CFAP97D2: variants seen among roughly 807,000 people sequenced by gnomAD.
The protein encoded by CFAP97D2 is CFAP97 domain containing 2.
chr13:114,200,876 T>A (rs1261522847), intron 3 of CFAP97D2, among the ~76,000 whole-genome samples: 1 of 152,232 alleles, frequency 6.6e-6, no homozygotes, highest in African/African-American at 2.4e-5. Context: ...GCCCTGCTCA[T>A]GCAGTTCTCA....
chr13:114,217,336 T>G (rs1203577488), intron 4 of CFAP97D2, among the ~76,000 whole-genome samples: 1 of 152,172 alleles, frequency 6.6e-6, no homozygotes, highest in African/African-American at 2.4e-5. Flanking sequence ...CAGGAAGAAG[T>G]TGAATCCCTG....
At position 114,189,618 on chromosome 13, in the gene CFAP97D2, T is replaced by C. The variant is rs960478869; in HGVS notation, c.91-6778T>C. On this transcript the variant is annotated intron_variant, in intron 1 of 4. Coordinates refer to ENST00000646158, the Ensembl canonical transcript of CFAP97D2. The surrounding 1 kb of genome is among the most constrained non-coding windows in gnomAD (Gnocchi z 4.5). ...GATTAAAAGTGTATAAAAAGTATTATATGCCATGACCAAGTGGGATTCATT... is the reference window on the plus strand; with the variant it reads ...GATTAAAAGTGTATAAAAAGTATTACATGCCATGACCAAGTGGGATTCATT... 2.6e-5 allele frequency among the ~76,000 whole-genome samples: 4 copies of C among 152,192 alleles called. No individual in the cohort carries two copies. The highest frequency in any genetic ancestry group is 4.4e-5 in the Non-Finnish European group (3 of 68,034).
At chr13:114,196,937 G>T in intron 2 of CFAP97D2, among the ~76,000 whole-genome samples, 1 of 152,202 alleles carries the variant, frequency 6.6e-6, no homozygotes, top group East Asian at 1.9e-4. Flanking sequence ...GTCACAGGTG[G>T]ATTCAAAGAT....
chr13:114,208,092 A>C (rs1349527453), intron 3 of CFAP97D2, among the ~76,000 whole-genome samples: 1 of 152,184 alleles, frequency 6.6e-6, no homozygotes, highest in African/African-American at 2.4e-5. Flanking sequence ...CCTGGGCTTC[A>C]CGACTTCTAG....
chr13:114,180,407 C>T (rs1282202029), intron 1 of CFAP97D2, among the ~76,000 whole-genome samples: 1 of 152,160 alleles, frequency 6.6e-6, no homozygotes, highest in Non-Finnish European at 1.5e-5. Context: ...GCCTCTGCAC[C>T]TGCTGTCTCC....
chr13:114,214,780 T>C (rs2080986230), intron 4 of CFAP97D2, among the ~76,000 whole-genome samples: 1 of 152,154 alleles, frequency 6.6e-6, no homozygotes, highest in Admixed American at 6.6e-5. Context: ...AAAAATGGAG[T>C]CCTACTCTAC....
At chr13:114,202,336 G>A (rs1371810187) in intron 3 of CFAP97D2, among the ~76,000 whole-genome samples, 25 of 152,134 alleles carry the variant, frequency 1.6e-4, no homozygotes, top group Admixed American at 1.6e-3. Context: ...TTTCAAGTGG[G>A]ATCCACATGA....
At chr13:114,184,453 A>C (rs1228968761) in intron 1 of CFAP97D2, among the ~76,000 whole-genome samples, 1 of 152,260 alleles carries the variant, frequency 6.6e-6, no homozygotes, top group Non-Finnish European at 1.5e-5. Flanking sequence ...TTCAAACTAC[A>C]GAAAATCAGA....
At position 114,211,490 on chromosome 13, in the gene CFAP97D2, G is replaced by T. The variant is rs1313395169; in HGVS notation, c.291-422G>T. ...CCTCCCTCACCTCTCTCCCATGGGCGCCTGGGTGCTTGCCCTCCCCGCCTG... is the reference window on the plus strand; with the variant it reads ...CCTCCCTCACCTCTCTCCCATGGGCTCCTGGGTGCTTGCCCTCCCCGCCTG... On this transcript the variant is annotated intron_variant, in intron 3 of 4. Transcript: ENST00000646158. This position sits in a 1 kb window ranked among gnomAD's most constrained non-coding sequence, Gnocchi z 4.2. 6.6e-6 allele frequency among the ~76,000 whole-genome samples: 1 copy of T among 152,056 alleles called. No individual in the cohort carries two copies. The highest frequency in any genetic ancestry group is 2.4e-5 in the African/African-American group (1 of 41,404).
intron 3 of CFAP97D2, among the ~76,000 whole-genome samples, chr13:114,208,903 C>G (rs1402435550): frequency 1.3e-5 from 2 of 152,154 alleles, no homozygotes; most frequent in African/African-American, 4.8e-5. Flanking sequence ...GCGAGTTCTC[C>G]CTGCCGCCTC....
downstream of CFAP97D2, chr13:114,222,563 G>C (rs1485016006): frequency 2.7e-6 from 1 of 376,746 alleles, no homozygotes; most frequent in African/African-American, 2.4e-5. The surrounding 1 kb of genome is among the most constrained non-coding windows in gnomAD (Gnocchi z 4.4). Flanking sequence ...AGTGAGGAAG[G>C]GTAAGGATTC....
intron 4 of CFAP97D2, among the ~76,000 whole-genome samples, chr13:114,218,741 A>C (rs1414420098): frequency 6.6e-6 from 1 of 152,224 alleles, no homozygotes. Context: ...CAACCATTTG[A>C]TCTTTGACAA....
At chr13:114,196,553 A>G (rs1000536874) in intron 2 of CFAP97D2, 77 bp downstream of exon 2, 3 of 397,962 alleles carry the variant, frequency 7.5e-6, no homozygotes, top group Non-Finnish European at 1.3e-5. Flanking sequence ...GAAAATAGAA[A>G]AGGCAGGGTT....
At chr13:114,196,076 C>CAA (rs57315285) in intron 1 of CFAP97D2, among the ~76,000 whole-genome samples, 121 of 100,916 alleles carry the variant, frequency 1.2e-3, no homozygotes, top group Non-Finnish European at 1.8e-3. Context: ...GAGCGAGACT[C>CAA]AAAAAAAAAA....
In CFAP97D2 at chr13:114,185,866, C is replaced by T. The variant is rs1041193097; in HGVS notation, c.90+6446C>T. ...CTCTTGGCATGAACAGCCTGCGTGC[C>T]ATGAACAGCAACAGGAGGCAGACGG... On this transcript the variant is annotated intron_variant, in intron 1 of 4. Coordinates refer to ENST00000646158, the Ensembl canonical transcript of CFAP97D2. This position sits in a 1 kb window ranked among gnomAD's most constrained non-coding sequence, Gnocchi z 5.2. 2.0e-5 allele frequency among the ~76,000 whole-genome samples: 3 copies of T among 152,230 alleles called. No homozygotes were observed. The highest frequency in any genetic ancestry group is 7.2e-5 in the African/African-American group (3 of 41,460).
rs552970079 is a variant in CFAP97D2, at chr13:114,180,636, G to A, written c.90+1216G>A. 5.9e-5 allele frequency among the ~76,000 whole-genome samples: 9 copies of A among 152,340 alleles called. No individual in the cohort carries two copies. In the South Asian group the frequency reaches 6.2e-4, roughly 11 times the overall value. On this transcript the variant is annotated intron_variant, in intron 1 of 4. Transcript: ENST00000646158. ...GTGCTGACCACGTCCTGCCCACCAC[G>A]ATGTTCTCTGCACGTAGAGTGTGGA...
intron 1 of CFAP97D2, among the ~76,000 whole-genome samples, chr13:114,184,057 A>G (rs1311121598): frequency 6.6e-6 from 1 of 152,220 alleles, no homozygotes; most frequent in Non-Finnish European, 1.5e-5. Context: ...AGGCTGAGAC[A>G]GGAGGATCAC....
At chr13:114,190,607 A>G (rs566259833) in intron 1 of CFAP97D2, among the ~76,000 whole-genome samples, 11 of 152,356 alleles carry the variant, frequency 7.2e-5, no homozygotes, top group African/African-American at 2.6e-4. Context: ...ATCTGTATAA[A>G]GAAAACTACA....
chr13:114,196,117 A>G (rs576975599), intron 1 of CFAP97D2, among the ~76,000 whole-genome samples: 72 of 150,552 alleles, frequency 4.8e-4, no homozygotes, highest in African/African-American at 1.7e-3. Flanking sequence ...AATAGAGTGC[A>G]GACTAGAAAT....
Sources: allele counts gnomAD v4.1 joint callset (sites outside exome capture counted in the v4.1 genomes callset), GRCh38; gene constraint gnomAD v4.1.1; non-coding constraint Gnocchi (gnomAD v3.1); transcripts MANE v1.5; gene names NCBI Gene and HGNC (gene_info 2026-07-23, HGNC 2026-07-21).